KIRREL3: variants seen among roughly 807,000 people sequenced by gnomAD.
KIRREL3 encodes kirre like nephrin family adhesion molecule 3.
In KIRREL3, 36 loss-of-function variants were observed where a neutral mutation model predicts 89.7. The observed-to-expected ratio is 0.40, with a 90% CI of 0.31 to 0.53. KIRREL3 has a LOEUF of 0.53. KIRREL3 is among the 20% of genes least tolerant of loss of function. The pLI, the probability that KIRREL3 is intolerant of heterozygous loss-of-function variation, is 0.49. For synonymous variants in KIRREL3, 445 were observed against 441.4 expected (o/e 1.01, Z -0.10); for missense variants, 864 against 1,056.6 (o/e 0.82, Z 2.53).
In KIRREL3 at chr11:126,782,745, A is replaced by C. The variant is rs1950366887; in HGVS notation, c.55+217710T>G. Among the ~76,000 whole-genome samples, 1 of 152,218 alleles carries C rather than the reference A, an allele frequency of 6.6e-6. No homozygotes were observed. Among genetic ancestry groups the C allele is most frequent in the East Asian group, 1.9e-4 (1 of 5,200 alleles). On this transcript the variant is annotated intron_variant, in intron 1 of 16. Coordinates refer to ENST00000525144, the MANE Select transcript of KIRREL3 (RefSeq NM_032531.4). The surrounding 1 kb of genome is among the most constrained non-coding windows in gnomAD (Gnocchi z 4.1). ...ATCAGTATGAACTTATATTTAGCTTAATATAGATATAGATGTTATGTATGG... is the reference window on the plus strand; with the variant it reads ...ATCAGTATGAACTTATATTTAGCTTCATATAGATATAGATGTTATGTATGG...
chr11:126,613,883 T>TA (rs1255241668), intron 1 of KIRREL3, among the ~76,000 whole-genome samples: 2 of 76,780 alleles, frequency 2.6e-5, no homozygotes, highest in African/African-American at 8.8e-5. Flanking sequence ...TTTTTTTTTT[T>TA]TTTTTTTTTT....
chr11:126,629,424 AG>A (rs1161224007), intron 1 of KIRREL3, among the ~76,000 whole-genome samples: 3 of 152,086 alleles, frequency 2.0e-5, no homozygotes, highest in African/African-American at 7.2e-5. Context: ...TCTGGGCCAA[AG>A]GGGTGTTTTA....
At chr11:126,968,763 C>T (rs1949350299) in intron 1 of KIRREL3, among the ~76,000 whole-genome samples, 1 of 152,136 alleles carries the variant, frequency 6.6e-6, no homozygotes, top group Non-Finnish European at 1.5e-5. Flanking sequence ...CAGGCTCTGT[C>T]TGGTATCCAC....
chr11:126,841,192 G>A (rs950300921), intron 1 of KIRREL3, among the ~76,000 whole-genome samples: 3 of 152,184 alleles, frequency 2.0e-5, no homozygotes, highest in African/African-American at 7.2e-5. Flanking sequence ...TGCAGATAAA[G>A]GGGTCTACTG....
Position 126,651,534 on chromosome 11 carries a change from T to C in KIRREL3, c.56-88622A>G, listed in dbSNP as rs533587177. Among the ~76,000 whole-genome samples the C allele has an allele frequency of 6.6e-6, 1 of 152,348 alleles. No individual in the cohort carries two copies. The highest frequency in any genetic ancestry group is 6.5e-5 in the Admixed American group (1 of 15,302). ...CCTAACTGGATCTTGGGAATAAATC[T>C]CTTATTTTGGTAGCACTTTCAAATA... On this transcript the variant is annotated intron_variant, in intron 1 of 16. Transcript: ENST00000525144. This position sits in a 1 kb window ranked among gnomAD's most constrained non-coding sequence, Gnocchi z 4.6.
In KIRREL3 at chr11:126,623,801, C is replaced by G. The variant is rs1167683249; in HGVS notation, c.56-60889G>C. On this transcript the variant is annotated intron_variant, in intron 1 of 16. Transcript: ENST00000525144. The surrounding 1 kb of genome is among the most constrained non-coding windows in gnomAD (Gnocchi z 4.1). ...TAGGTTCTCAAGAAAATAAACAAAC[C>G]AACTTACAGAAAACCCCTTTCCCTG... Among the ~76,000 whole-genome samples, 1 of 152,068 alleles carries G rather than the reference C, an allele frequency of 6.6e-6. No homozygotes were observed. The highest frequency in any genetic ancestry group is 1.5e-5 in the Non-Finnish European group (1 of 68,002).
At chr11:126,701,062 G>A (rs1947295613) in intron 1 of KIRREL3, among the ~76,000 whole-genome samples, 1 of 152,182 alleles carries the variant, frequency 6.6e-6, no homozygotes, top group Non-Finnish European at 1.5e-5. Context: ...TCTCTTTGCA[G>A]AAACCACACT....
In KIRREL3 at chr11:126,768,175, ATCCATCCATCC is replaced by A. The variant is rs1949901070; in HGVS notation, c.56-205274_56-205264del. ...ATCCATCCATCCATCCATCCAATCCATCCATCCATCCATCCATCCATCCATCCATCCATCCA... is the reference window on the plus strand; with the variant it reads ...ATCCATCCATCCATCCATCCAATCCAATCCATCCATCCATCCATCCATCCA... On this transcript the variant is annotated intron_variant, in intron 1 of 16. Coordinates refer to ENST00000525144, the MANE Select transcript of KIRREL3 (RefSeq NM_032531.4). The surrounding 1 kb of genome is among the most constrained non-coding windows in gnomAD (Gnocchi z 4.5). Among the ~76,000 whole-genome samples the A allele has an allele frequency of 7.5e-5, 3 of 39,962 alleles. No individual in the cohort carries two copies. Among genetic ancestry groups the A allele is most frequent in the African/African-American group, 1.4e-4 (2 of 14,640 alleles). The allele number at this position is 39,962 out of a possible 152,430, so 26.2% of individuals were successfully genotyped here.
At chr11:126,529,602 CAAA>C (rs57667466) in intron 2 of KIRREL3, among the ~76,000 whole-genome samples, 8 of 111,784 alleles carry the variant, frequency 7.2e-5, no homozygotes, top group Non-Finnish European at 5.8e-5. Flanking sequence ...GACTCGGTCT[CAAA>C]AAAAAAAAAA....
Position 126,506,282 on chromosome 11 carries a change from G to A in KIRREL3, c.433+15033C>T, listed in dbSNP as rs77181765. On this transcript the variant is annotated intron_variant, in intron 4 of 16. Transcript: ENST00000525144. ...AACTTGATTAAAATTAAAAGTTTTT[G>A]TGCTTCATAAGACACCATTAAGTAA... is the stretch of plus-strand genomic sequence containing the variant. 2.8e-3 allele frequency among the ~76,000 whole-genome samples: 420 copies of A among 152,232 alleles called. 3 individuals carry two copies. Among genetic ancestry groups the A allele is most frequent in the Non-Finnish European group, 4.1e-3 (280 of 67,996 alleles).
At position 126,594,577 on chromosome 11, in the gene KIRREL3, G is replaced by T. The variant is rs1942300064; in HGVS notation, c.56-31665C>A. On this transcript the variant is annotated intron_variant, in intron 1 of 16. Transcript: ENST00000525144. This position sits in a 1 kb window ranked among gnomAD's most constrained non-coding sequence, Gnocchi z 5.0. ...GCATGGGGCCTTCAACTGCTGGAGG[G>T]TCTGGGCGGTCATTTATCCTTGCTG... 1.3e-5 allele frequency among the ~76,000 whole-genome samples: 2 copies of T among 152,014 alleles called. No individual in the cohort carries two copies. Among genetic ancestry groups the T allele is most frequent in the Admixed American group, 6.6e-5 (1 of 15,258 alleles).
chr11:126,856,022 A>C (rs1944494491), intron 1 of KIRREL3, among the ~76,000 whole-genome samples: 1 of 152,222 alleles, frequency 6.6e-6, no homozygotes, highest in Admixed American at 6.5e-5. Context: ...CCTGCAGCCT[A>C]GTATTTCCCA....
In KIRREL3 at chr11:126,445,086, G is replaced by A; in HGVS notation, c.1145C>T (p.Thr382Ile). ...CTGGCGCACGGATTTGAGGGTCAGGGTCTTCTCATTGCTCAGGACCTAGGA... is the reference window on the plus strand; with the variant it reads ...CTGGCGCACGGATTTGAGGGTCAGGATCTTCTCATTGCTCAGGACCTAGGA... ...GSGVVLSNEK[T>I]LTLKSVRQED... The change falls in exon 10 of 17, where the codon ACC becomes ATC. Residue 382 changes from threonine to isoleucine, a missense_variant. Thr to Ile is a moderately conservative substitution (Grantham distance 89). Transcript: ENST00000525144. 5.0e-6 allele frequency: 8 copies of A among 1,614,022 alleles called. No individual in the cohort carries two copies. Among genetic ancestry groups the A allele is most frequent in the Non-Finnish European group, 6.8e-6 (8 of 1,179,896 alleles).
At position 126,770,000 on chromosome 11, in the gene KIRREL3, G is replaced by A. The variant is rs555433390; in HGVS notation, c.56-207088C>T. ...TTCCCAGATCCCTGTATGGGCGGATGTGCAGATCCCATTAAAATATCCTGG... is the reference window on the plus strand; with the variant it reads ...TTCCCAGATCCCTGTATGGGCGGATATGCAGATCCCATTAAAATATCCTGG... On this transcript the variant is annotated intron_variant, in intron 1 of 16. Coordinates refer to ENST00000525144, the MANE Select transcript of KIRREL3 (RefSeq NM_032531.4). The surrounding 1 kb of genome is among the most constrained non-coding windows in gnomAD (Gnocchi z 4.3). Among the ~76,000 whole-genome samples the A allele has an allele frequency of 6.6e-6, 1 of 152,142 alleles. No individual in the cohort carries two copies. Among genetic ancestry groups the A allele is most frequent in the Non-Finnish European group, 1.5e-5 (1 of 68,024 alleles).
chr11:126,710,251 G>T lies in KIRREL3; in HGVS notation c.56-147339C>A, dbSNP rs1390385325. ...AGGTGGCTTCTCGGAGCAGTGCCTT[G>T]TCTTAGGGGGGCATGTTCACTGAAC... On this transcript the variant is annotated intron_variant, in intron 1 of 16. Transcript: ENST00000525144. The surrounding 1 kb of genome is among the most constrained non-coding windows in gnomAD (Gnocchi z 4.2). Among the ~76,000 whole-genome samples, 2 of 152,128 alleles carry T rather than the reference G, an allele frequency of 1.3e-5. No individual in the cohort carries two copies. The highest frequency in any genetic ancestry group is 2.1e-4 in the South Asian group (1 of 4,820).
At chr11:126,445,937 T>C (rs1210386297) in intron 9 of KIRREL3, among the ~76,000 whole-genome samples, 2 of 152,018 alleles carry the variant, frequency 1.3e-5, no homozygotes, top group East Asian at 1.9e-4. Context: ...TCACCTGAGG[T>C]TGGGAGTTTG....
In KIRREL3 at chr11:126,990,643, GCTC is replaced by G. The variant is rs1333566015; in HGVS notation, c.55+9809_55+9811del. On this transcript the variant is annotated intron_variant, in intron 1 of 16. Transcript: ENST00000525144. This position sits in a 1 kb window ranked among gnomAD's most constrained non-coding sequence, Gnocchi z 6.3. ...CTCTTGGTGCGGCTTCAGAAGAACA[GCTC>G]CTCTCTGCCTCCGCAGTTGCCCCTC... Among the ~76,000 whole-genome samples the G allele has an allele frequency of 6.6e-6, 1 of 152,240 alleles. No homozygotes were observed. The highest frequency in any genetic ancestry group is 1.5e-5 in the Non-Finnish European group (1 of 68,048).
Position 126,519,340 on chromosome 11 carries a change from A to C in KIRREL3, c.433+1975T>G, listed in dbSNP as rs1464315908. Among the ~76,000 whole-genome samples the C allele has an allele frequency of 6.6e-6, 1 of 152,254 alleles. No homozygotes were observed. Among genetic ancestry groups the C allele is most frequent in the Non-Finnish European group, 1.5e-5 (1 of 68,042 alleles). On this transcript the variant is annotated intron_variant, in intron 4 of 16. Coordinates refer to ENST00000525144, the MANE Select transcript of KIRREL3 (RefSeq NM_032531.4). This position sits in a 1 kb window ranked among gnomAD's most constrained non-coding sequence, Gnocchi z 4.3. Reference sequence around the variant, plus strand: ...AGACTAGGCAAAGAGCTTGGAGCTGAAAAATCTGGAGTTGATTTTGAAGGT... The same window carrying C: ...AGACTAGGCAAAGAGCTTGGAGCTGCAAAATCTGGAGTTGATTTTGAAGGT...
At chr11:126,936,075 GC>G (rs1948172528) in intron 1 of KIRREL3, 1 of 151,994 alleles carries the variant, frequency 6.6e-6, no homozygotes, top group African/African-American at 2.4e-5. Flanking sequence ...TCAAAAATGG[GC>G]AAAAAATCTT....
Sources: gnomAD v4.1 joint callset for allele counts (sites outside exome capture counted in the v4.1 genomes callset) on GRCh38, gnomAD v4.1.1 for gene constraint, Gnocchi (gnomAD v3.1) non-coding constraint, MANE v1.5 for transcripts, NCBI Gene and HGNC (gene_info 2026-07-23, HGNC 2026-07-21) for gene names.